The following EYS variants were observed in gnomAD, a reference collection of about 807,000 sequenced individuals.
EYS encodes EGF-like photoreceptor maintenance factor.
A neutral mutation model predicts 282.1 loss-of-function variants in EYS; 250 were observed. The observed-to-expected ratio is 0.89, with a 90% confidence interval of 0.80 to 0.98. The LOEUF (loss-of-function observed/expected upper bound fraction) is 0.98. Ranked by LOEUF, EYS falls within the 50% of genes least tolerant of loss-of-function variation. The pLI is 0.00. For synonymous variants in EYS, 1,355 were observed against 1,282.9 expected (o/e 1.06, Z -1.20); for missense variants, 4,016 against 3,709.0 (o/e 1.08, Z -2.15).
intron 23 of EYS, among the ~76,000 whole-genome samples, chr6:64,617,903 G>A (rs939247184): frequency 2.6e-5 from 4 of 152,146 alleles, no homozygotes; most frequent in African/African-American, 9.7e-5. Context: ...ATAGAATAAA[G>A]ACACTTAATA....
chr6:64,556,925 C>A (rs1174496752), intron 26 of EYS, among the ~76,000 whole-genome samples: 2 of 151,512 alleles, frequency 1.3e-5, no homozygotes, highest in African/African-American at 4.8e-5. Flanking sequence ...TGACTGTTAA[C>A]AAAGAGAGGT....
intron 22 of EYS, among the ~76,000 whole-genome samples, chr6:64,742,747 A>G (rs1772418387): frequency 6.6e-6 from 1 of 152,186 alleles, no homozygotes; most frequent in African/African-American, 2.4e-5. Flanking sequence ...ATATTTAAAT[A>G]AGACAATTTT....
intron 2 of EYS, among the ~76,000 whole-genome samples, chr6:65,586,913 T>C (rs1326181162): frequency 1.3e-5 from 2 of 152,118 alleles, no homozygotes; most frequent in East Asian, 3.9e-4. Flanking sequence ...ACGATTTTTT[T>C]TCTTAGATGT....
At chr6:64,838,464 T>C (rs1448946302) in intron 19 of EYS, among the ~76,000 whole-genome samples, 3 of 151,904 alleles carry the variant, frequency 2.0e-5, no homozygotes, top group Non-Finnish European at 2.9e-5. Context: ...TAAATGAGAG[T>C]AAAACAGTGC....
At chr6:64,370,678 A>G (rs1772335601) in intron 29 of EYS, among the ~76,000 whole-genome samples, 1 of 151,966 alleles carries the variant, frequency 6.6e-6, no homozygotes, top group Non-Finnish European at 1.5e-5. Context: ...TAGGGTTTTT[A>G]TTAATGATTC....
intron 2 of EYS, among the ~76,000 whole-genome samples, chr6:65,574,157 T>C (rs1764575955): frequency 6.6e-6 from 1 of 152,176 alleles, no homozygotes; most frequent in Admixed American, 6.5e-5. Flanking sequence ...TTTGTGACTG[T>C]TCCATGTGTG....
chr6:63,792,278 A>T (rs1399854215), intron 37 of EYS, among the ~76,000 whole-genome samples: 1 of 151,950 alleles, frequency 6.6e-6, no homozygotes, highest in Non-Finnish European at 1.5e-5. Flanking sequence ...TGAGTCCATC[A>T]GGTTGCTTTC....
chr6:63,968,293 C>T (rs2149781376), intron 35 of EYS, among the ~76,000 whole-genome samples: 1 of 152,192 alleles, frequency 6.6e-6, no homozygotes, highest in South Asian at 2.1e-4. Flanking sequence ...AGGTTGGTAG[C>T]TTACATCATA....
chr6:65,181,434 G>A (rs1581989897), intron 12 of EYS, among the ~76,000 whole-genome samples: 1 of 152,166 alleles, frequency 6.6e-6, no homozygotes, highest in African/African-American at 2.4e-5. Flanking sequence ...AGACATTTAT[G>A]CAGCCAAAAG....
At chr6:64,794,927 C>T (rs1774307447) in intron 22 of EYS, among the ~76,000 whole-genome samples, 1 of 152,094 alleles carries the variant, frequency 6.6e-6, no homozygotes, top group African/African-American at 2.4e-5. Flanking sequence ...GACATTTATA[C>T]TACAGGGATA....
intron 12 of EYS, among the ~76,000 whole-genome samples, chr6:65,081,536 A>C (rs1484595458): frequency 1.3e-5 from 2 of 152,102 alleles, no homozygotes; most frequent in Non-Finnish European, 2.9e-5. Flanking sequence ...TCATTCAACA[A>C]ACAGATTTTA....
At chr6:65,179,987 C>T (rs1765332287) in intron 12 of EYS, among the ~76,000 whole-genome samples, 1 of 152,052 alleles carries the variant, frequency 6.6e-6, no homozygotes, top group Admixed American at 6.6e-5. Context: ...GCATAAAAGG[C>T]CTTTGACAAA....
chr6:65,539,653 A>G (rs907137564), intron 2 of EYS, among the ~76,000 whole-genome samples: 2 of 152,232 alleles, frequency 1.3e-5, no homozygotes, highest in African/African-American at 4.8e-5. Flanking sequence ...TAAGAATGAC[A>G]TAAAACAAAT....
chr6:64,561,301 C>T (rs1343644852), intron 26 of EYS, among the ~76,000 whole-genome samples: 1 of 152,068 alleles, frequency 6.6e-6, no homozygotes, highest in African/African-American at 2.4e-5. Flanking sequence ...TTCTATTCAA[C>T]ATAGTATTGA....
intron 26 of EYS, among the ~76,000 whole-genome samples, chr6:64,471,885 T>C (rs779439375): frequency 6.6e-6 from 1 of 152,164 alleles, no homozygotes; most frequent in Non-Finnish European, 1.5e-5. Context: ...AAGACATAAG[T>C]TCTAGTCTTC....
At chr6:64,916,155 T>G (rs1052519866) in intron 15 of EYS, among the ~76,000 whole-genome samples, 1 of 152,196 alleles carries the variant, frequency 6.6e-6, no homozygotes, top group African/African-American at 2.4e-5. Flanking sequence ...AAATCATGGT[T>G]ACACAGGTCC....
At chr6:65,639,586 T>A (rs1029436532) in intron 2 of EYS, among the ~76,000 whole-genome samples, 192 bp downstream of exon 2, 1 of 152,138 alleles carries the variant, frequency 6.6e-6, no homozygotes, top group African/African-American at 2.4e-5. Flanking sequence ...TTAGCGGATC[T>A]AAAGTGAATT....
Position 64,593,103 on chromosome 6 carries a change from C to A in EYS, c.3877+14G>T. 1 of 1,474,774 alleles carries A rather than the reference C, an allele frequency of 6.8e-7. No homozygotes were observed. The highest frequency in any genetic ancestry group is 9.0e-7 in the Non-Finnish European group (1 of 1,115,790). 91.4% of individuals were successfully genotyped at this position (1,474,774 alleles called of 1,614,324 possible). A position where few individuals can be genotyped will look rare whatever the true frequency, so the allele number is the denominator to read the frequency against. ...AAACTCAAACTTCTTAATATCTTACCCACTTCTACTTACCTTGATCAACTG... is the reference window on the plus strand; with the variant it reads ...AAACTCAAACTTCTTAATATCTTACACACTTCTACTTACCTTGATCAACTG... On this transcript the variant is annotated intron_variant, in intron 25 of 42. Transcript: ENST00000503581.
At chr6:64,028,247 A>T (rs1477724602) in intron 33 of EYS, among the ~76,000 whole-genome samples, 3 of 152,236 alleles carry the variant, frequency 2.0e-5, no homozygotes, top group Non-Finnish European at 1.5e-5. Context: ...ATGCCTGCCC[A>T]GTCCAAATCA....
Sources: gnomAD v4.1 joint callset for allele counts (sites outside exome capture counted in the v4.1 genomes callset) on GRCh38, gnomAD v4.1.1 for gene constraint, MANE v1.5 for transcripts, NCBI Gene and HGNC (gene_info 2026-07-23, HGNC 2026-07-21) for gene names.